RAB11FIP5: variants seen among roughly 807,000 people sequenced by gnomAD.
RAB11FIP5 encodes RAB11 family interacting protein 5.
In RAB11FIP5, 48 loss-of-function variants were observed where a neutral mutation model predicts 85.1. The observed-to-expected ratio is 0.56, with a 90% CI of 0.45 to 0.72. The LOEUF (loss-of-function observed/expected upper bound fraction) is 0.72. Among genes scored for constraint, RAB11FIP5 ranks in the 30% least tolerant of loss-of-function variants. RAB11FIP5 has a pLI of 0.00. For missense variants in RAB11FIP5, 1,491 were observed against 1,687.0 expected (o/e 0.88, Z 2.04); for synonymous variants, 729 against 727.3 (o/e 1.00, Z -0.04).
At position 73,081,803 on chromosome 2, in the gene RAB11FIP5, T is replaced by C; in HGVS notation, c.1569-140A>G. The stretch of plus-strand genomic sequence containing the variant: ...CTGGATTTACCTACTTGGGCCAGGG[T>C]ACAGAGGGAAGACCCCAACATGTAA... On this transcript the variant is annotated intron_variant, in intron 3 of 5. Coordinates refer to ENST00000486777, the MANE Select transcript of RAB11FIP5 (RefSeq NM_001371272.1). This position sits in a 1 kb window ranked among gnomAD's most constrained non-coding sequence, Gnocchi z 4.2. 1.3e-6 allele frequency: 1 copy of C among 750,606 alleles called. No homozygotes were observed. The highest frequency in any genetic ancestry group is 1.8e-6 in the Non-Finnish European group (1 of 549,312). The allele number at this position is 750,606 out of a possible 1,614,324, so 46.5% of individuals were successfully genotyped here.
Position 73,081,159 on chromosome 2 carries a change from C to T in RAB11FIP5, c.2073G>A (p.Ala691=), listed in dbSNP as rs542942794. ...GCTCTCCCTGGGGCTCAGCTGCCTT[C>T]GCAGTCATGGCCCCAGGGCCTGGGT... is the stretch of plus-strand genomic sequence containing the variant. ...LQDPGPGAMT[A]KAAEPQGEPG... is the part of the protein sequence containing the mutation. The change falls in exon 4 of 6, where the codon GCG becomes GCA. Residue 691 remains alanine (A), a synonymous_variant. Transcript: ENST00000486777. The surrounding 1 kb of genome is among the most constrained non-coding windows in gnomAD (Gnocchi z 4.2). The T allele has an allele frequency of 3.2e-6, 4 of 1,232,970 alleles. No individual in the cohort carries two copies. The highest frequency in any genetic ancestry group is 3.2e-5 in the East Asian group (1 of 31,714). The allele number at this position is 1,232,970 out of a possible 1,614,324, so 76.4% of individuals were successfully genotyped here. A position where few individuals can be genotyped will look rare whatever the true frequency, so the allele number is the denominator to read the frequency against.
rs1254677441 is a variant in RAB11FIP5, at chr2:73,074,623, A to G, written c.*898T>C. The G allele has an allele frequency of 6.4e-6, 1 of 155,476 alleles. No individual in the cohort carries two copies. The highest frequency in any genetic ancestry group is 1.4e-5 in the Non-Finnish European group (1 of 69,858). The allele number at this position is 155,476 out of a possible 1,614,324, so 9.6% of individuals were successfully genotyped here. A position where few individuals can be genotyped will look rare whatever the true frequency, so the allele number is the denominator to read the frequency against. On this transcript the variant is annotated 3_prime_UTR_variant, in exon 6 of 6. Transcript: ENST00000486777. ...CCCCGCCCACCAAAGGCACATTTTA[A>G]TTGGTTTCCAAAAGTTCAAACCCTG...
rs1353082647 is a variant in RAB11FIP5 at position 73,088,287 on chromosome 2, G to C, written c.1331C>G (p.Ser444Cys). The change falls in exon 3 of 6, where the codon TCT becomes TGT. Residue 444 changes from serine (S) to cysteine (C), a missense_variant. Around this residue, in one of 3 missense-constraint regions of RAB11FIP5, gnomAD observed 1,211 missense variants for 1,338.0 expected, o/e 0.91. Coordinates refer to ENST00000486777, the MANE Select transcript of RAB11FIP5 (RefSeq NM_001371272.1). ...VQVATPIVAS[S>C]EAVAEKEGAR... ...TCCCTCCTTCTCTGCCACAGCCTCA[G>C]AGGAGGCCACTATGGGTGTGGCAAC... The C allele has an allele frequency of 1.2e-6, 2 of 1,613,982 alleles. No individual in the cohort carries two copies. The highest frequency in any genetic ancestry group is 1.3e-5 in the African/African-American group (1 of 75,046).
chr2:73,075,638 C>A lies in RAB11FIP5; in HGVS notation c.3858G>T (p.Glu1286Asp), dbSNP rs780223316. Residue 1286 changes from glutamate (E) to aspartate (D), a missense_variant, in exon 6 of 6, where the codon GAG becomes GAT. Transcript: ENST00000486777. The surrounding 1 kb of genome is among the most constrained non-coding windows in gnomAD (Gnocchi z 4.6). Reference protein sequence around the residue: ...LISLLLQRERELSQRDEHVQE... With the variant: ...LISLLLQRERDLSQRDEHVQE... Reference sequence around the variant, plus strand: ...GCACATGCTCGTCCCGCTGGCTCAGCTCCCGCTCCCGCTGCAGGAGCAGGC... The same window carrying A: ...GCACATGCTCGTCCCGCTGGCTCAGATCCCGCTCCCGCTGCAGGAGCAGGC... 1 of 1,613,938 alleles carries A rather than the reference C, an allele frequency of 6.2e-7. No homozygotes were observed. Among genetic ancestry groups the A allele is most frequent in the Non-Finnish European group, 8.5e-7 (1 of 1,179,930 alleles).
At position 73,094,374 on chromosome 2, in the gene RAB11FIP5, A is replaced by G. The variant is rs62147759; in HGVS notation, c.432-5059T>C. Among the ~76,000 whole-genome samples, 1,155 of 152,338 alleles carry G rather than the reference A, an allele frequency of 7.6e-3. 11 individuals carry two copies. The highest frequency in any genetic ancestry group is 9.9e-3 in the Non-Finnish European group (672 of 68,036). On this transcript the variant is annotated intron_variant, in intron 1 of 5. Coordinates refer to ENST00000486777, the MANE Select transcript of RAB11FIP5 (RefSeq NM_001371272.1). ...GGCAGAGACATGGCCAAAATCAATC[A>G]GGGTGTGACCAAGGCCCCAACATTC...
chr2:73,112,809 G>A lies in RAB11FIP5; in HGVS notation c.-32C>T. The A allele has an allele frequency of 1.4e-6, 2 of 1,406,972 alleles. No homozygotes were observed. Among genetic ancestry groups the A allele is most frequent in the Non-Finnish European group, 1.8e-6 (2 of 1,091,058 alleles). The allele number at this position is 1,406,972 out of a possible 1,614,324, so 87.2% of individuals were successfully genotyped here. The stretch of plus-strand genomic sequence containing the variant: ...GAAGCGGGGGGCGAGGTCTGGCCGA[G>A]CCGGTGCAGACCCCAGGACCTGGTG... On this transcript the variant is annotated 5_prime_UTR_variant, in exon 1 of 6. Coordinates refer to ENST00000486777, the MANE Select transcript of RAB11FIP5 (RefSeq NM_001371272.1).
chr2:73,108,970 G>T (rs1684586191), intron 1 of RAB11FIP5, among the ~76,000 whole-genome samples: 1 of 152,150 alleles, frequency 6.6e-6, no homozygotes, highest in Non-Finnish European at 1.5e-5. Flanking sequence ...CTTGAACCTG[G>T]GAGGGAGAGA....
At chr2:73,100,287 C>G (rs1271336884) in intron 1 of RAB11FIP5, among the ~76,000 whole-genome samples, 2 of 152,178 alleles carry the variant, frequency 1.3e-5, no homozygotes, top group Non-Finnish European at 2.9e-5. Flanking sequence ...TCAAGTGACA[C>G]TGTATAGATG....
At position 73,081,322 on chromosome 2, in the gene RAB11FIP5, G is replaced by A; in HGVS notation, c.1910C>T (p.Pro637Leu). Residue 637 changes from proline to leucine, a missense_variant, in exon 4 of 6, where the codon CCC becomes CTC. Around this residue, in one of 3 missense-constraint regions of RAB11FIP5, gnomAD observed 1,211 missense variants for 1,338.0 expected, o/e 0.91. Coordinates refer to ENST00000486777, the MANE Select transcript of RAB11FIP5 (RefSeq NM_001371272.1). This position sits in a 1 kb window ranked among gnomAD's most constrained non-coding sequence, Gnocchi z 4.2. ...LPSASRASPT[P>L]LASPGKALPE... is the part of the protein sequence containing the mutation. ...CAGGGCTTTCCCAGGGGAGGCCAGGGGGGTGGGGCTGGCCCTCGAGGCACT... is the reference window on the plus strand; with the variant it reads ...CAGGGCTTTCCCAGGGGAGGCCAGGAGGGTGGGGCTGGCCCTCGAGGCACT... The A allele has an allele frequency of 8.1e-7, 1 of 1,232,956 alleles. No individual in the cohort carries two copies. Among genetic ancestry groups the A allele is most frequent in the Non-Finnish European group, 1.0e-6 (1 of 988,574 alleles). The allele number at this position is 1,232,956 out of a possible 1,614,324, so 76.4% of individuals were successfully genotyped here.
rs780773417 is a variant in RAB11FIP5 at position 73,112,364 on chromosome 2, G to A, written c.414C>T (p.Gly138=). 4 of 1,588,806 alleles carry A rather than the reference G, an allele frequency of 2.5e-6. No individual in the cohort carries two copies. In the South Asian group the frequency reaches 3.4e-5, roughly 13 times the overall value. ...TVALDEVFGA[G]RAQHTQWYKL... ...CTACTCACTGCGTGTGCTGGGCGCG[G>A]CCTGCGCCGAAGACCTCGTCCAGCG... Residue 138 remains glycine (G), a synonymous_variant, in exon 1 of 6, where the codon GGC becomes GGT. Coordinates refer to ENST00000486777, the MANE Select transcript of RAB11FIP5 (RefSeq NM_001371272.1).
intron 1 of RAB11FIP5, among the ~76,000 whole-genome samples, chr2:73,097,693 G>A (rs529847577): frequency 6.6e-6 from 1 of 152,318 alleles, no homozygotes; most frequent in South Asian, 2.1e-4. Flanking sequence ...TGCCAAACAG[G>A]AGCCTTTGGA....
At chr2:73,092,748 T>C (rs1405927093) in intron 1 of RAB11FIP5, among the ~76,000 whole-genome samples, 1 of 152,192 alleles carries the variant, frequency 6.6e-6, no homozygotes, top group Non-Finnish European at 1.5e-5. Flanking sequence ...TCCCTGAATA[T>C]TTTTTAGGCT....
chr2:73,097,278 C>T (rs2106117754), intron 1 of RAB11FIP5, among the ~76,000 whole-genome samples: 2 of 152,188 alleles, frequency 1.3e-5, no homozygotes, highest in East Asian at 3.9e-4. Flanking sequence ...CTCAGGTGAT[C>T]CACCCGCCTC....
At chr2:73,096,427 G>C (rs376182718) in intron 1 of RAB11FIP5, among the ~76,000 whole-genome samples, 6 of 152,180 alleles carry the variant, frequency 3.9e-5, no homozygotes, top group African/African-American at 1.4e-4. Flanking sequence ...TGGGGGCTAT[G>C]GGTAGCTGCA....
chr2:73,101,003 T>C (rs1574303452), intron 1 of RAB11FIP5, among the ~76,000 whole-genome samples: 1 of 139,388 alleles, frequency 7.2e-6, no homozygotes, highest in African/African-American at 2.7e-5. Context: ...TAATCATCAA[T>C]GGATATTAAA....
chr2:73,085,743 T>A (rs1489339758), intron 3 of RAB11FIP5, among the ~76,000 whole-genome samples: 3 of 152,122 alleles, frequency 2.0e-5, no homozygotes, highest in African/African-American at 7.2e-5. Flanking sequence ...AGCCTTTCTC[T>A]GGATACCATA....
In RAB11FIP5 at chr2:73,085,897, G is replaced by A. The variant is rs76295843; in HGVS notation, c.1568+2153C>T. On this transcript the variant is annotated intron_variant, in intron 3 of 5. Transcript: ENST00000486777. Reference sequence around the variant, plus strand: ...GCAGAGGCCCCCATTCTCTGGACCTGGGGACAGGCTCCCCAGGCCCCAGCT... The same window carrying A: ...GCAGAGGCCCCCATTCTCTGGACCTAGGGACAGGCTCCCCAGGCCCCAGCT... Among the ~76,000 whole-genome samples the A allele has an allele frequency of 8.6e-3, 1,309 of 152,228 alleles. 8 individuals are homozygous for A. Among genetic ancestry groups the A allele is most frequent in the Non-Finnish European group, 0.014 (940 of 67,986 alleles).
chr2:73,075,734 G>T lies in RAB11FIP5; in HGVS notation c.3772-10C>A. The T allele has an allele frequency of 6.3e-7, 1 of 1,586,470 alleles. No individual in the cohort carries two copies. The highest frequency in any genetic ancestry group is 1.1e-5 in the South Asian group (1 of 87,504). ...CCAGCACAGCTGAGTCCTGAGGCCG[G>T]ACCGAAGACAGTGAGCAGGGCAGCC... On this transcript the variant is annotated splice_polypyrimidine_tract_variant and intron_variant, in intron 5 of 5. Transcript: ENST00000486777. The surrounding 1 kb of genome is among the most constrained non-coding windows in gnomAD (Gnocchi z 4.6).
In RAB11FIP5 at chr2:73,086,110, G is replaced by A. The variant is rs1684086369; in HGVS notation, c.1568+1940C>T. 6.6e-6 allele frequency among the ~76,000 whole-genome samples: 1 copy of A among 152,184 alleles called. No homozygotes were observed. The highest frequency in any genetic ancestry group is 6.5e-5 in the Admixed American group (1 of 15,284). On this transcript the variant is annotated intron_variant, in intron 3 of 5. Coordinates refer to ENST00000486777, the MANE Select transcript of RAB11FIP5 (RefSeq NM_001371272.1). The surrounding 1 kb of genome is among the most constrained non-coding windows in gnomAD (Gnocchi z 4.4). ...AGGCACACAAGGCCAGGATGCTGCT[G>A]ATTGAGCTCAAAGGCCAGGTGTCAC...
Sources: gnomAD v4.1 joint callset for allele counts (sites outside exome capture counted in the v4.1 genomes callset) on GRCh38, gnomAD v4.1.1 for gene constraint, gnomAD v4.1.1 regional missense constraint, Gnocchi (gnomAD v3.1) non-coding constraint, MANE v1.5 for transcripts, NCBI Gene and HGNC (gene_info 2026-07-23, HGNC 2026-07-21) for gene names.